ROR2: variants seen among roughly 807,000 people sequenced by gnomAD.
ROR2 encodes ROR family WNT receptor 2.
ROR2 carries 33 observed loss-of-function variants against 74.9 expected under a neutral mutation model. The ratio of observed to expected loss-of-function variants is 0.44; its 90% confidence interval spans 0.33 to 0.59. The LOEUF (loss-of-function observed/expected upper bound fraction) is 0.59, where lower values mean the gene tolerates loss of function less well. ROR2 is among the 20% of genes least tolerant of loss of function. ROR2 has a pLI of 0.02. For synonymous variants in ROR2, 586 were observed against 558.7 expected (o/e 1.05, Z -0.69); for missense variants, 1,216 against 1,313.8 (o/e 0.93, Z 1.15).
intron 2 of ROR2, among the ~76,000 whole-genome samples, chr9:91,774,920 C>T (rs1826367112): frequency 6.6e-6 from 1 of 152,216 alleles, no homozygotes; most frequent in African/African-American, 2.4e-5. Flanking sequence ...GCCTATAGGA[C>T]TATTGGGTCG....
chr9:91,889,783 C>A (rs1366433957), intron 1 of ROR2, among the ~76,000 whole-genome samples: 1 of 152,210 alleles, frequency 6.6e-6, no homozygotes, highest in Non-Finnish European at 1.5e-5. Context: ...TTATAATCTA[C>A]ATTTGTGCAC....
chr9:91,840,334 G>A (rs1015687293), intron 1 of ROR2, among the ~76,000 whole-genome samples: 1 of 152,120 alleles, frequency 6.6e-6, no homozygotes, highest in Non-Finnish European at 1.5e-5. Flanking sequence ...CTGTAGTTCT[G>A]CAGTGCACTG....
Position 91,815,852 on chromosome 9 carries a change from C to T in ROR2, c.98-40034G>A, listed in dbSNP as rs57957621. Among the ~76,000 whole-genome samples, 708 of 152,280 alleles carry T rather than the reference C, an allele frequency of 4.6e-3. 8 individuals carry two copies. Among genetic ancestry groups the T allele is most frequent in the African/African-American group, 0.016 (652 of 41,552 alleles). On this transcript the variant is annotated intron_variant, in intron 1 of 8. Transcript: ENST00000375708. ...AGATAGGCATGTCTCAAAAACCCAA[C>T]AGCAACACAAAACCATCAGCGCCCG...
At chr9:91,839,251 GGTGTGTGTGTGTGTGT>G (rs56134220) in intron 1 of ROR2, among the ~76,000 whole-genome samples, 2 of 107,712 alleles carry the variant, frequency 1.9e-5, no homozygotes, top group Non-Finnish European at 4.0e-5. Flanking sequence ...TCAGATCGGG[GGTGTGTGTGTGTGTGT>G]GTGTGTGTGT....
chr9:91,801,061 T>A lies in ROR2; in HGVS notation c.98-25243A>T, dbSNP rs950959299. 1.6e-4 allele frequency among the ~76,000 whole-genome samples: 25 copies of A among 152,228 alleles called. 1 individual carries two copies. Among genetic ancestry groups the A allele is most frequent in the Non-Finnish European group, 1.2e-4 (8 of 68,008 alleles). ...CATGAAACCTACAGAGGGAACAGAATCTCACCCCCTCCCACCCCCACTTAC... is the reference window on the plus strand; with the variant it reads ...CATGAAACCTACAGAGGGAACAGAAACTCACCCCCTCCCACCCCCACTTAC... On this transcript the variant is annotated intron_variant, in intron 1 of 8. Coordinates refer to ENST00000375708, the MANE Select transcript of ROR2 (RefSeq NM_004560.4).
chr9:91,767,380 G>A (rs1271450123), intron 2 of ROR2, among the ~76,000 whole-genome samples: 3 of 152,170 alleles, frequency 2.0e-5, no homozygotes, highest in African/African-American at 7.2e-5. Context: ...GCCGACTTAC[G>A]ATTTTTAAAT....
intron 1 of ROR2, among the ~76,000 whole-genome samples, chr9:91,811,157 C>T (rs1827737880): frequency 1.3e-5 from 2 of 152,254 alleles, no homozygotes; most frequent in Non-Finnish European, 1.5e-5. Flanking sequence ...CCACACCTCC[C>T]CTAGGCCGGG....
intron 1 of ROR2, among the ~76,000 whole-genome samples, chr9:91,937,177 C>T (rs539990761): frequency 5.3e-5 from 8 of 152,176 alleles, no homozygotes; most frequent in South Asian, 4.2e-4. Flanking sequence ...TAAACAGAGA[C>T]GGCTGCTTCA....
rs766686494 is a variant in ROR2, at chr9:91,731,002, T to A, written c.1091A>T (p.Tyr364Phe). ...DFPELGGGHAYCRNPGGQMEG... is the reference protein window; with the variant it reads ...DFPELGGGHAFCRNPGGQMEG... Reference sequence around the variant, plus strand: ...CATCTGGCCTCCGGGGTTCCGGCAGTAGGCGTGCCCCCCTCCAAGCTCAGG... The same window carrying A: ...CATCTGGCCTCCGGGGTTCCGGCAGAAGGCGTGCCCCCCTCCAAGCTCAGG... Residue 364 changes from tyrosine (Y) to phenylalanine (F), a missense_variant, in exon 7 of 9, where the codon TAC (tyrosine) becomes TTC (phenylalanine). Transcript: ENST00000375708. 6.2e-7 allele frequency: 1 copy of A among 1,614,138 alleles called. No homozygotes were observed. Among genetic ancestry groups the A allele is most frequent in the Non-Finnish European group, 8.5e-7 (1 of 1,180,020 alleles).
chr9:91,851,283 T>C (rs908017830), intron 1 of ROR2, among the ~76,000 whole-genome samples: 2 of 139,230 alleles, frequency 1.4e-5, no homozygotes, highest in Non-Finnish European at 3.1e-5. Context: ...ACCCGGGAGG[T>C]GGAGCTAGCA....
At chr9:91,823,647 C>G (rs1828201159) in intron 1 of ROR2, among the ~76,000 whole-genome samples, 1 of 152,186 alleles carries the variant, frequency 6.6e-6, no homozygotes. Flanking sequence ...GGGCAAGAAA[C>G]AGCATACTAT....
chr9:91,743,411 A>C (rs1825310742), intron 4 of ROR2, among the ~76,000 whole-genome samples: 1 of 152,106 alleles, frequency 6.6e-6, no homozygotes, highest in Non-Finnish European at 1.5e-5. Flanking sequence ...ATCTCTACTA[A>C]AAATACAAAA....
intron 1 of ROR2, among the ~76,000 whole-genome samples, chr9:91,789,684 T>G (rs1463825351): frequency 6.6e-6 from 1 of 152,100 alleles, no homozygotes; most frequent in East Asian, 1.9e-4. Context: ...CCCCATCAAA[T>G]ATATATAAAC....
chr9:91,836,539 C>CAAAAAAAAAAAAAAAAAAAAAAAAA (rs753563302), intron 1 of ROR2, among the ~76,000 whole-genome samples: 36 of 102,456 alleles, frequency 3.5e-4, no homozygotes, highest in African/African-American at 1.1e-3. Context: ...GATTCCATCT[C>CAAAAAAAAAAAAAAAAAAAAAAAAA]AAAAAAAAAA....
chr9:91,920,587 T>C (rs1158655920), intron 1 of ROR2, among the ~76,000 whole-genome samples: 1 of 152,132 alleles, frequency 6.6e-6, no homozygotes, highest in Non-Finnish European at 1.5e-5. Context: ...AGAGATCAGG[T>C]GAGGAAGCCT....
intron 1 of ROR2, among the ~76,000 whole-genome samples, chr9:91,789,931 C>G (rs538737760): frequency 6.6e-6 from 1 of 152,190 alleles, no homozygotes; most frequent in South Asian, 2.1e-4. Context: ...AGGCTGCCTA[C>G]AAGCAACACA....
chr9:91,749,915 T>A (rs1398031722), intron 4 of ROR2, among the ~76,000 whole-genome samples: 1 of 152,228 alleles, frequency 6.6e-6, no homozygotes, highest in East Asian at 1.9e-4. Context: ...TTCTTTCTTT[T>A]TTTTGAGACT....
At chr9:91,908,825 C>G (rs182826136) in intron 1 of ROR2, among the ~76,000 whole-genome samples, 1 of 152,232 alleles carries the variant, frequency 6.6e-6, no homozygotes. Context: ...AAAAGTGACT[C>G]AAATTCCTTA....
chr9:91,845,877 C>CAAAAAAAAAAAAAAAAAA (rs5899143), intron 1 of ROR2, among the ~76,000 whole-genome samples: 3 of 33,900 alleles, frequency 8.8e-5, no homozygotes, highest in African/African-American at 2.2e-4. Flanking sequence ...GAATCCATCT[C>CAAAAAAAAAAAAAAAAAA]AAAAAAAAAA....
Sources: allele counts gnomAD v4.1 joint callset (sites outside exome capture counted in the v4.1 genomes callset), GRCh38; gene constraint gnomAD v4.1.1; transcripts MANE v1.5; gene names NCBI Gene and HGNC (gene_info 2026-07-23, HGNC 2026-07-21).